Variants in LRRC31 observed in about 807,000 individuals in gnomAD.
LRRC31 encodes leucine-rich repeat-containing protein 31.
LRRC31 carries 35 observed loss-of-function variants against 46.7 expected under a neutral mutation model. That is an observed-to-expected ratio of 0.75 (90% confidence interval 0.57 to 0.99). The LOEUF (loss-of-function observed/expected upper bound fraction) is 0.99, where lower values mean the gene tolerates loss of function less well. Ranked by LOEUF, LRRC31 falls within the 50% of genes least tolerant of loss-of-function variation. The probability of loss-of-function intolerance (pLI) is 0.00; values close to 1 mark genes in which losing one functional copy is unlikely to be tolerated. For synonymous variants in LRRC31, 236 were observed against 235.1 expected, an observed-to-expected ratio of 1.00 and a Z score of -0.03; for missense variants, 613 against 626.1, an observed-to-expected ratio of 0.98 and a Z score of 0.22.
At chr3:169,865,439 G>A (rs934153600) in intron 1 of LRRC31, among the ~76,000 whole-genome samples, 3 of 143,804 alleles carry the variant, frequency 2.1e-5, no homozygotes, top group African/African-American at 7.3e-5. Context: ...TTTCCTAGCT[G>A]TGTTAGCTCT....
chr3:169,848,149 G>A lies in LRRC31; in HGVS notation c.1298C>T (p.Ser433Phe). 3.7e-6 allele frequency: 6 copies of A among 1,613,980 alleles called. No individual in the cohort carries two copies. Among genetic ancestry groups the A allele is most frequent in the Non-Finnish European group, 5.1e-6 (6 of 1,179,898 alleles). ...SLQVLRLSSCSLVTEDVALLA... is the reference protein window; with the variant it reads ...SLQVLRLSSCFLVTEDVALLA... ...GAGAGCCACATCCTCTGTCACCAGG[G>A]AACAGCTGCTCAGCCTCAGCACTTG... The change falls in exon 8 of 9, where the codon TCC becomes TTC. Residue 433 changes from serine to phenylalanine, a missense_variant. By Grantham distance (155) the Ser-to-Phe change is radical (BLOSUM62 -2). Transcript: ENST00000316428.
At position 169,860,551 on chromosome 3, in the gene LRRC31, T is replaced by C; in HGVS notation, c.487+10A>G. 4 of 1,613,888 alleles carry C rather than the reference T, an allele frequency of 2.5e-6. No homozygotes were observed. Among genetic ancestry groups the C allele is most frequent in the Non-Finnish European group, 2.5e-6 (3 of 1,179,824 alleles). On this transcript the variant is annotated intron_variant, in intron 3 of 8. Transcript: ENST00000316428. ...CCGAATCCATCTTTTAAGAAATGCA[T>C]TCATCATACCCAGTGCTTGAACATC...
At chr3:169,844,944 A>C (rs573968426) in intron 8 of LRRC31, among the ~76,000 whole-genome samples, 50 of 151,438 alleles carry the variant, frequency 3.3e-4, no homozygotes, top group East Asian at 9.7e-4. Flanking sequence ...AAAAAAAAAA[A>C]AAAACAAAAC....
In LRRC31 at chr3:169,848,189, G is replaced by T. The variant is rs1452881774; in HGVS notation, c.1258C>A (p.Leu420Ile). 3.1e-6 allele frequency: 5 copies of T among 1,614,094 alleles called. No individual in the cohort carries two copies. The highest frequency in any genetic ancestry group is 4.2e-6 in the Non-Finnish European group (5 of 1,180,040). ...CTCAGCACTTGAAGAGACATGGAAA[G>T]CTTTAGTGTTTCCAGAAGCAGCTTC... ...NLKLLLETLK[L>I]SMSLQVLRLS... Residue 420 changes from leucine to isoleucine, a missense_variant, in exon 8 of 9, where the codon CTT becomes ATT. Physicochemically the swap from Leu to Ile is conservative, Grantham distance 5. Transcript: ENST00000316428.
intron 6 of LRRC31, among the ~76,000 whole-genome samples, chr3:169,852,173 T>C (rs1034442654): frequency 4.1e-5 from 6 of 147,356 alleles, no homozygotes; most frequent in Non-Finnish European, 7.5e-5. Flanking sequence ...CTGAGGCGGG[T>C]GGATCACGAG....
intron 3 of LRRC31, among the ~76,000 whole-genome samples, chr3:169,857,345 TACACACACAC>T (rs1180073387): frequency 2.2e-5 from 2 of 89,452 alleles, no homozygotes; most frequent in African/African-American, 4.7e-5. Flanking sequence ...TATATATATA[TACACACACAC>T]ACACACACAC....
intron 6 of LRRC31, among the ~76,000 whole-genome samples, chr3:169,852,402 C>CAAAAAA (rs11344242): frequency 3.4e-5 from 3 of 88,470 alleles, no homozygotes; most frequent in Admixed American, 1.1e-4. Context: ...GACTCCGTCT[C>CAAAAAA]AAAAAAAAAA....
At chr3:169,842,478 G>A (rs1443585384) in intron 8 of LRRC31, among the ~76,000 whole-genome samples, 1 of 152,166 alleles carries the variant, frequency 6.6e-6, no homozygotes, top group African/African-American at 2.4e-5. Flanking sequence ...AGCCTCTCGA[G>A]TAGCTGGGAT....
intron 2 of LRRC31, among the ~76,000 whole-genome samples, chr3:169,861,388 A>AAAG (rs1553925251): frequency 6.0e-5 from 9 of 151,004 alleles, no homozygotes; most frequent in Admixed American, 2.0e-4. Context: ...AAAAAAAGAA[A>AAAG]AAAGAAAAAA....
chr3:169,840,022 T>C lies in LRRC31; in HGVS notation c.1619A>G (p.Lys540Arg). 6.2e-7 allele frequency: 1 copy of C among 1,613,524 alleles called. No homozygotes were observed. Among genetic ancestry groups the C allele is most frequent in the Non-Finnish European group, 8.5e-7 (1 of 1,179,820 alleles). The change falls in exon 9 of 9, where the codon AAA becomes AGA. Residue 540 changes from lysine (K) to arginine (R), a missense_variant. By Grantham distance (26) the Lys-to-Arg change is conservative (BLOSUM62 2). Coordinates refer to ENST00000316428, the MANE Select transcript of LRRC31 (RefSeq NM_024727.4). ...EEELECFDQD[K>R]KRSIHFDHGG... ...ATGGTCAAAGTGAATGCTTCTTTTT[T>C]TATCTTGGTCAAAGCATTCTAGTTC...
chr3:169,851,673 T>A lies in LRRC31; in HGVS notation c.1105A>T (p.Lys369Ter). The A allele has an allele frequency of 6.2e-7, 1 of 1,614,190 alleles. No individual in the cohort carries two copies. The highest frequency in any genetic ancestry group is 8.5e-7 in the Non-Finnish European group (1 of 1,180,018). The change falls in exon 7 of 9, where the codon AAG becomes TAG. Residue 369 changes from lysine to a stop codon, truncating the protein, a stop_gained. Coordinates refer to ENST00000316428, the MANE Select transcript of LRRC31 (RefSeq NM_024727.4). LOFTEE classifies it high-confidence loss of function. ...LSRLRFLPAL[K>*]SLVINNCALE... ...GCACAGTTGTTGATAACTAATGACTTCAATGCTGGTAAAAATCGGAGCCTG... is the reference window on the plus strand; with the variant it reads ...GCACAGTTGTTGATAACTAATGACTACAATGCTGGTAAAAATCGGAGCCTG...
intron 8 of LRRC31, among the ~76,000 whole-genome samples, chr3:169,844,613 G>T (rs1780548580): frequency 6.6e-6 from 1 of 152,102 alleles, no homozygotes; most frequent in Non-Finnish European, 1.5e-5. Context: ...GAAAAAGAAA[G>T]AAAAGATACA....
At chr3:169,854,740 T>A (rs1780889344) in intron 6 of LRRC31, 73 bp downstream of exon 6, 8 of 1,198,122 alleles carry the variant, frequency 6.7e-6, no homozygotes, top group African/African-American at 1.5e-5. Flanking sequence ...AGTGTACATA[T>A]TAAAATTTCC....
At chr3:169,860,500 T>C (rs1381972488) in intron 3 of LRRC31, 61 bp downstream of exon 3, 3 of 1,562,538 alleles carry the variant, frequency 1.9e-6, no homozygotes, top group Admixed American at 3.3e-5. Flanking sequence ...AGTGTTAGGA[T>C]TACAGCTGTG....
chr3:169,869,550 A>G, intron 1 of LRRC31, 83 bp downstream of exon 1: 1 of 1,305,612 alleles, frequency 7.7e-7, no homozygotes, highest in African/African-American at 1.5e-5. Context: ...GTACCCACAA[A>G]AATTAAAAAT....
intron 1 of LRRC31, 90 bp from the exon 2 acceptor site, chr3:169,861,903 C>A: frequency 7.5e-7 from 1 of 1,338,880 alleles, no homozygotes; most frequent in Non-Finnish European, 1.0e-6. Context: ...GAAAAGACTG[C>A]ATAACTCTGA....
chr3:169,840,506 CT>C (rs956918102), intron 8 of LRRC31, among the ~76,000 whole-genome samples, 193 bp from the exon 9 acceptor site: 13 of 152,142 alleles, frequency 8.5e-5, no homozygotes, highest in African/African-American at 3.1e-4. Flanking sequence ...CCATCTACAG[CT>C]TTTTTTATTT....
chr3:169,851,484 G>A (rs1780764440), intron 7 of LRRC31, 135 bp downstream of exon 7: 1 of 757,932 alleles, frequency 1.3e-6, no homozygotes, highest in Non-Finnish European at 2.1e-6. Context: ...TCACTTTTAA[G>A]AAGGCATATG....
chr3:169,866,893 C>T (rs1158899913), intron 1 of LRRC31, among the ~76,000 whole-genome samples: 2 of 150,708 alleles, frequency 1.3e-5, no homozygotes, highest in Non-Finnish European at 3.0e-5. Flanking sequence ...ACCTGGGAGG[C>T]AGAGGTTGCA....
Sources: allele counts gnomAD v4.1 joint callset (sites outside exome capture counted in the v4.1 genomes callset), GRCh38; gene constraint gnomAD v4.1.1; transcripts MANE v1.5; gene names NCBI Gene and HGNC (gene_info 2026-07-23, HGNC 2026-07-21).